The following SAMHD1 variants were observed in gnomAD, a reference collection of about 807,000 sequenced individuals.
SAMHD1 encodes SAM and HD domain containing deoxynucleoside triphosphate triphosphohydrolase 1, also known as deoxynucleoside triphosphate triphosphohydrolase SAMHD1.
In SAMHD1, 54 loss-of-function variants were observed where a neutral mutation model predicts 79.6. The ratio of observed to expected loss-of-function variants is 0.68; its 90% confidence interval spans 0.55 to 0.85. The LOEUF is 0.85. Among genes scored for constraint, SAMHD1 ranks in the 40% least tolerant of loss-of-function variants. SAMHD1 has a pLI of 0.00. For synonymous variants in SAMHD1, 260 were observed against 264.1 expected, an observed-to-expected ratio of 0.98 and a Z score of 0.15; for missense variants, 663 against 782.7, an observed-to-expected ratio of 0.85 and a Z score of 1.82.
At chr20:36,904,105 G>A (rs367603142) in intron 13 of SAMHD1, 52 bp downstream of exon 13, 312 of 1,200,248 alleles carry the variant, frequency 2.6e-4, no homozygotes, top group Non-Finnish European at 3.5e-4. Flanking sequence ...AATGGTGGGT[G>A]CTTTATCTTT....
At chr20:36,928,390 A>AAAGAAAAAAAAAGGGG (rs2063548881) in intron 5 of SAMHD1, among the ~76,000 whole-genome samples, 1 of 150,442 alleles carries the variant, frequency 6.6e-6, no homozygotes, top group Admixed American at 6.6e-5. Flanking sequence ...CTCCATCTCA[A>AAAGAAAAAAAAAGGGG]AAGAAAAAAA....
chr20:36,926,850 A>AG (rs1160564728), intron 6 of SAMHD1: 1 of 239,714 alleles, frequency 4.2e-6, no homozygotes, highest in African/African-American at 2.3e-5. Context: ...ATTATACAGT[A>AG]GTACAATGGA....
At chr20:36,950,119 T>C (rs1008017088) in intron 1 of SAMHD1, among the ~76,000 whole-genome samples, 5 of 152,096 alleles carry the variant, frequency 3.3e-5, no homozygotes, top group Non-Finnish European at 5.9e-5. Flanking sequence ...TGAAAGCACA[T>C]AGTGTCTTTG....
chr20:36,897,860 C>A lies in SAMHD1; in HGVS notation c.1708G>T (p.Val570Phe), dbSNP rs895289035. The stretch of plus-strand genomic sequence containing the variant: ...AAATTTCTGTCTGCACACCACTGAA[C>A]AAAATATTGTCTTGCGGCATACAAA... ...KSLYAARQYF[V>F]QWCADRNFTK... The change falls in exon 15 of 16, where the codon GTT (valine) becomes TTT (phenylalanine). Residue 570 changes from valine to phenylalanine, a missense_variant. Physicochemically the swap from Val to Phe is conservative, Grantham distance 50. Coordinates refer to ENST00000646673, the MANE Select transcript of SAMHD1 (RefSeq NM_015474.4). The A allele has an allele frequency of 2.5e-6, 4 of 1,614,218 alleles. No individual in the cohort carries two copies. The highest frequency in any genetic ancestry group is 1.1e-5 in the South Asian group (1 of 91,082).
In SAMHD1 at chr20:36,911,240, C is replaced by T. The variant is rs2063437925; in HGVS notation, c.1248G>A (p.Met416Ile). The T allele has an allele frequency of 6.2e-7, 1 of 1,612,742 alleles. No individual in the cohort carries two copies. The highest frequency in any genetic ancestry group is 8.5e-7 in the Non-Finnish European group (1 of 1,179,202). The change falls in exon 11 of 16, where the codon ATG becomes ATA. Residue 416 changes from methionine (M) to isoleucine (I), a missense_variant. Met to Ile is a conservative substitution (Grantham distance 10). Transcript: ENST00000646673. ...TACCTGTCAGCTTAGTATAGGCTTC[C>T]ATGTCGTCAATTGCTGTAGAAATGC... The part of the protein sequence containing the change: ...KYRISTAIDD[M>I]EAYTKLTDNI...
At chr20:36,918,553 C>A (rs1450375441) in intron 7 of SAMHD1, among the ~76,000 whole-genome samples, 2 of 151,470 alleles carry the variant, frequency 1.3e-5, no homozygotes, top group Non-Finnish European at 2.9e-5. Context: ...TGTAATCCCA[C>A]CACTTTGGGA....
intron 4 of SAMHD1, among the ~76,000 whole-genome samples, chr20:36,933,240 T>G (rs2063578827): frequency 1.3e-5 from 2 of 152,152 alleles, no homozygotes; most frequent in Admixed American, 1.3e-4. Context: ...CTGTCTATTC[T>G]TCCCTGTCCA....
At chr20:36,945,346 A>C (rs907750966) in intron 2 of SAMHD1, among the ~76,000 whole-genome samples, 3 of 152,224 alleles carry the variant, frequency 2.0e-5, no homozygotes, top group African/African-American at 7.2e-5. Flanking sequence ...CCCAAATTAT[A>C]CAACTAAAAA....
At chr20:36,925,661 T>C (rs2146126270) in intron 6 of SAMHD1, among the ~76,000 whole-genome samples, 1 of 152,294 alleles carries the variant, frequency 6.6e-6, no homozygotes, top group East Asian at 1.9e-4. Context: ...GAGCAAGCAA[T>C]CAAACTTTTT....
At chr20:36,929,264 TC>T (rs751010953) in intron 5 of SAMHD1, among the ~76,000 whole-genome samples, 2 of 152,084 alleles carry the variant, frequency 1.3e-5, no homozygotes, top group Non-Finnish European at 2.9e-5. Flanking sequence ...TGGTATTGGT[TC>T]TTTGTAAGTC....
Position 36,931,434 on chromosome 20 carries a change from G to A in SAMHD1, c.510-559C>T, listed in dbSNP as rs561255330. On this transcript the variant is annotated intron_variant, in intron 4 of 15. Coordinates refer to ENST00000646673, the MANE Select transcript of SAMHD1 (RefSeq NM_015474.4). ...GCAGATCACTTGAGGTCAGGGGTTCGAGACCAGCCTGGCCAACATGTTGAA... is the reference window on the plus strand; with the variant it reads ...GCAGATCACTTGAGGTCAGGGGTTCAAGACCAGCCTGGCCAACATGTTGAA... 1.6e-3 allele frequency among the ~76,000 whole-genome samples: 244 copies of A among 152,016 alleles called. 3 individuals carry two copies. Among genetic ancestry groups the A allele is most frequent in the African/African-American group, 5.4e-3 (225 of 41,470 alleles).
Position 36,919,503 on chromosome 20 carries a change from AC to A in SAMHD1, c.712del (p.Val238LeufsTer2). On this transcript the variant is annotated frameshift_variant, in exon 7 of 16. Transcript: ENST00000646673. LOFTEE classifies it high-confidence loss of function. Reference sequence around the variant, plus strand: ...ATTAATAAGGTGCTCAAACATCATAACTGAGCCTTGTTCATGCTAGGAAAAG... The same window carrying A: ...ATTAATAAGGTGCTCAAACATCATAATGAGCCTTGTTCATGCTAGGAAAAG... ...EVKWTHEQGS[V>X]MMFEHLINSN... 1.9e-6 allele frequency: 3 copies of A among 1,613,576 alleles called. No individual in the cohort carries two copies. The highest frequency in any genetic ancestry group is 2.5e-6 in the Non-Finnish European group (3 of 1,179,860).
At chr20:36,909,680 C>CAAAA (rs56389967) in intron 11 of SAMHD1, among the ~76,000 whole-genome samples, 46 of 121,180 alleles carry the variant, frequency 3.8e-4, no homozygotes, top group African/African-American at 1.1e-3. Flanking sequence ...CACCCCCCTC[C>CAAAA]AAAAAAAAAA....
At chr20:36,904,599 C>G (rs2063394762) in intron 12 of SAMHD1, 2 of 326,720 alleles carry the variant, frequency 6.1e-6, no homozygotes, top group Non-Finnish European at 1.2e-5. Flanking sequence ...TGCCTGTAAT[C>G]CCAACTACTC....
Position 36,944,342 on chromosome 20 carries a change from G to A in SAMHD1, c.275+2396C>T, listed in dbSNP as rs2063670266. ...TCAAAAAAAAAAAAAAAAAGAAAGG[G>A]CTAAGATGAGGTCCCTGGAGATTCT... On this transcript the variant is annotated intron_variant, in intron 2 of 15. Coordinates refer to ENST00000646673, the MANE Select transcript of SAMHD1 (RefSeq NM_015474.4). Among the ~76,000 whole-genome samples, 3 of 151,848 alleles carry A rather than the reference G, an allele frequency of 2.0e-5. No individual in the cohort carries two copies. The South Asian group carries it at 6.2e-4, about 32-fold the overall frequency.
In SAMHD1 at chr20:36,897,914, C is replaced by T. The variant is rs1166549601; in HGVS notation, c.1654G>A (p.Val552Ile). ...PEKFAEQLIR[V>I]YCKKVDRKSL... ...TTTCTGTCCACCTTCTTACAATATACTCGAATCAGCTGCTCTGCAAATTTC... is the reference window on the plus strand; with the variant it reads ...TTTCTGTCCACCTTCTTACAATATATTCGAATCAGCTGCTCTGCAAATTTC... Residue 552 changes from valine (V) to isoleucine (I), a missense_variant, in exon 15 of 16, where the codon GTA (valine) becomes ATA (isoleucine). Val to Ile is a conservative substitution (Grantham distance 29). Transcript: ENST00000646673. The T allele has an allele frequency of 1.2e-6, 2 of 1,614,212 alleles. No homozygotes were observed. The highest frequency in any genetic ancestry group is 2.2e-5 in the East Asian group (1 of 44,894).
intron 1 of SAMHD1, among the ~76,000 whole-genome samples, chr20:36,949,708 G>A (rs1175569538): frequency 7.5e-6 from 1 of 134,122 alleles, no homozygotes; most frequent in Non-Finnish European, 1.5e-5. Flanking sequence ...ACTGGGCCGA[G>A]ATGGCGCCAC....
At chr20:36,927,031 CATAT>C in intron 6 of SAMHD1, 147 bp downstream of exon 6, 7 of 614,298 alleles carry the variant, frequency 1.1e-5, no homozygotes, top group Non-Finnish European at 1.4e-5. Flanking sequence ...CAAACAAAAG[CATAT>C]ATATATATAT....
In SAMHD1 at chr20:36,933,647, C is replaced by T. The variant is rs114535619; in HGVS notation, c.509+1382G>A. 5.0e-3 allele frequency among the ~76,000 whole-genome samples: 762 copies of T among 152,120 alleles called. 4 individuals are homozygous for T. The highest frequency in any genetic ancestry group is 0.015 in the African/African-American group (616 of 41,552). On this transcript the variant is annotated intron_variant, in intron 4 of 15. Transcript: ENST00000646673. ...CAAGTAGCTGCAGCGTGCGCCACCACGCCTTGCTAATTTTTGTATTTTTAC... is the reference window on the plus strand; with the variant it reads ...CAAGTAGCTGCAGCGTGCGCCACCATGCCTTGCTAATTTTTGTATTTTTAC...
Sources: gnomAD v4.1 joint callset for allele counts (sites outside exome capture counted in the v4.1 genomes callset) on GRCh38, gnomAD v4.1.1 for gene constraint, MANE v1.5 for transcripts, NCBI Gene and HGNC (gene_info 2026-07-23, HGNC 2026-07-21) for gene names.